Variants in FNDC1 observed in about 807,000 individuals in gnomAD.
The protein encoded by FNDC1 is fibronectin type III domain containing 1.
In FNDC1, 96 loss-of-function variants were observed where a neutral mutation model predicts 168.0. The observed-to-expected ratio is 0.57, with a 90% confidence interval of 0.48 to 0.68. The LOEUF (loss-of-function observed/expected upper bound fraction) is 0.68. FNDC1 is among the 30% of genes least tolerant of loss of function. The pLI is 0.00. For synonymous variants in FNDC1, 1,099 were observed against 1,025.9 expected (o/e 1.07, Z -1.36); for missense variants, 2,587 against 2,482.1 (o/e 1.04, Z -0.90).
chr6:159,212,627 C>T (rs571205427), intron 4 of FNDC1, among the ~76,000 whole-genome samples: 11 of 152,076 alleles, frequency 7.2e-5, no homozygotes, highest in African/African-American at 1.4e-4. Context: ...TGGTTATTAC[C>T]GAGACAGCGA....
chr6:159,213,045 C>T (rs1156388575), intron 4 of FNDC1, among the ~76,000 whole-genome samples: 2 of 152,170 alleles, frequency 1.3e-5, no homozygotes, highest in Non-Finnish European at 2.9e-5. Flanking sequence ...CTAAGGACAG[C>T]TAGATGAACT....
At chr6:159,200,610 A>G in intron 4 of FNDC1, 29 bp downstream of exon 4, 1 of 1,532,144 alleles carries the variant, frequency 6.5e-7, no homozygotes, top group Non-Finnish European at 8.9e-7. Context: ...TGTCAGATTC[A>G]TGTTTTCACT....
intron 1 of FNDC1, among the ~76,000 whole-genome samples, chr6:159,173,300 T>C (rs1306717435): frequency 6.6e-6 from 1 of 152,138 alleles, no homozygotes; most frequent in Non-Finnish European, 1.5e-5. Flanking sequence ...AATAGGTCAA[T>C]TGAAGGAGGC....
intron 4 of FNDC1, among the ~76,000 whole-genome samples, chr6:159,203,014 T>G (rs1782410442): frequency 6.6e-6 from 1 of 152,242 alleles, no homozygotes; most frequent in African/African-American, 2.4e-5. Flanking sequence ...GGCTTGTAGA[T>G]GGTCACCTTT....
At chr6:159,193,641 C>T (rs1417663112) in intron 1 of FNDC1, among the ~76,000 whole-genome samples, 1 of 152,156 alleles carries the variant, frequency 6.6e-6, no homozygotes, top group African/African-American at 2.4e-5. Flanking sequence ...CGGGGAATCT[C>T]TGGAGGCCTG....
At chr6:159,173,503 C>A (rs1459185776) in intron 1 of FNDC1, among the ~76,000 whole-genome samples, 2 of 152,184 alleles carry the variant, frequency 1.3e-5, no homozygotes, top group Admixed American at 6.5e-5. Flanking sequence ...AAATTTATTC[C>A]TGTGGAATCA....
chr6:159,237,653 T>C (rs1247094396), intron 12 of FNDC1, among the ~76,000 whole-genome samples: 3 of 152,224 alleles, frequency 2.0e-5, no homozygotes, highest in African/African-American at 4.8e-5. Flanking sequence ...GCAATTCACA[T>C]TCATTGCAAG....
chr6:159,189,074 C>G (rs1782073168), intron 1 of FNDC1, among the ~76,000 whole-genome samples: 1 of 152,162 alleles, frequency 6.6e-6, no homozygotes, highest in South Asian at 2.1e-4. Flanking sequence ...CATAGAAGAT[C>G]TTGATTAATA....
intron 1 of FNDC1, among the ~76,000 whole-genome samples, chr6:159,182,687 A>G (rs1471268066): frequency 6.6e-6 from 1 of 152,224 alleles, no homozygotes; most frequent in Non-Finnish European, 1.5e-5. Context: ...TTGTATTCCC[A>G]GGGGAGTGGC....
chr6:159,197,381 T>C lies in FNDC1; in HGVS notation c.110-50T>C, dbSNP rs145916457. ...TATCAAAGACGATTAAAAAAATTCG[T>C]TTTCCCAATCTGTTATTGCCATGAG... On this transcript the variant is annotated intron_variant, in intron 1 of 22. Transcript: ENST00000297267. 636 of 1,523,310 alleles carry C rather than the reference T, an allele frequency of 4.2e-4. 2 individuals carry two copies. In the African/African-American group the frequency reaches 8.1e-3, roughly 19 times the overall value. The allele number at this position is 1,523,310 out of a possible 1,614,324, so 94.4% of individuals were successfully genotyped here. A position where few individuals can be genotyped will look rare whatever the true frequency, so the allele number is the denominator to read the frequency against.
intron 17 of FNDC1, among the ~76,000 whole-genome samples, chr6:159,253,227 C>T (rs934145954): frequency 6.6e-6 from 1 of 152,006 alleles, no homozygotes; most frequent in Non-Finnish European, 1.5e-5. Context: ...CGTGCCAACT[C>T]CTGTCAAGCT....
chr6:159,234,158 G>A lies in FNDC1; in HGVS notation c.3646G>A (p.Asp1216Asn), dbSNP rs192765104. ...CACTCCCAGGGGCGGCAAAGACGCC[G>A]ATGGGAGCCTCGCCAAGGAAGAGAG... ...SSTPRGGKDA[D>N]GSLAKEEREP... The change falls in exon 11 of 23, where the codon GAT (aspartate) becomes AAT (asparagine). Residue 1216 changes from aspartate (D) to asparagine (N), a missense_variant. Transcript: ENST00000297267. 0.013 allele frequency: 20,213 copies of A among 1,598,644 alleles called. 152 individuals carry two copies. The highest frequency in any genetic ancestry group is 0.025 in the Middle Eastern group (152 of 6,006).
rs752683758 is a variant in FNDC1, at chr6:159,233,589, G to C, written c.3077G>C (p.Arg1026Pro). ...HPGPQSRDAGRSPSQPRLSLT... is the reference protein window; with the variant it reads ...HPGPQSRDAGPSPSQPRLSLT... ...GGACCCCAGAGCAGAGACGCGGGTC[G>C]GTCACCTTCCCAGCCCAGGCTCTCA... Residue 1026 changes from arginine (R) to proline (P), a missense_variant, in exon 11 of 23, where the codon CGG (arginine) becomes CCG (proline). Coordinates refer to ENST00000297267, the MANE Select transcript of FNDC1 (RefSeq NM_032532.3). The surrounding 1 kb of genome is among the most constrained non-coding windows in gnomAD (Gnocchi z 4.6). The C allele has an allele frequency of 1.3e-6, 2 of 1,582,156 alleles. No homozygotes were observed. The highest frequency in any genetic ancestry group is 1.7e-6 in the Non-Finnish European group (2 of 1,167,622).
Position 159,269,495 on chromosome 6 carries a change from T to TATCCATCCATCCATGCATCC in FNDC1, c.5569+1572_5569+1573insCATCCATCCATGCATCCATC, listed in dbSNP as rs1562316076. Among the ~76,000 whole-genome samples the TATCCATCCATCCATGCATCC allele has an allele frequency of 8.2e-3, 483 of 59,212 alleles. 9 individuals carry two copies. The highest frequency in any genetic ancestry group is 0.015 in the African/African-American group (261 of 17,536). The allele number at this position is 59,212 out of a possible 152,430, so 38.8% of individuals were successfully genotyped here. ...CTATCTATCTATCTATCTATCTATC[T>TATCCATCCATCCATGCATCC]ATCTATCCATCCATCCATGCATCCA... On this transcript the variant is annotated intron_variant, in intron 22 of 22. Transcript: ENST00000297267.
intron 19 of FNDC1, among the ~76,000 whole-genome samples, chr6:159,263,570 GGC>G (rs1242769134): frequency 6.6e-6 from 1 of 152,042 alleles, no homozygotes; most frequent in Non-Finnish European, 1.5e-5. Flanking sequence ...AGACCATCCT[GGC>G]TAACACAGTG....
Position 159,205,951 on chromosome 6 carries a change from TC to T in FNDC1, c.460+5374del, listed in dbSNP as rs140405861. On this transcript the variant is annotated intron_variant, in intron 4 of 22. Transcript: ENST00000297267. ...CAAAGGTACACAGAAGAAAGACTCA[TC>T]CCCAGTGATAATGCTGGAAAGCACC... Among the ~76,000 whole-genome samples, 1,426 of 152,362 alleles carry T rather than the reference TC, an allele frequency of 9.4e-3. 25 individuals are homozygous for T. Among genetic ancestry groups the T allele is most frequent in the African/African-American group, 0.032 (1,336 of 41,598 alleles).
chr6:159,258,290 G>T (rs1293757505), intron 18 of FNDC1, among the ~76,000 whole-genome samples: 1 of 152,140 alleles, frequency 6.6e-6, no homozygotes, highest in South Asian at 2.1e-4. Context: ...AGAAGAGGCA[G>T]ATTTTTTAAA....
intron 14 of FNDC1, among the ~76,000 whole-genome samples, chr6:159,242,925 G>T (rs916191697): frequency 5.9e-5 from 9 of 152,068 alleles, no homozygotes; most frequent in African/African-American, 2.2e-4. Context: ...CCATTCATCA[G>T]TCAGTGGTCA....
In FNDC1 at chr6:159,234,085, G is replaced by A; in HGVS notation, c.3573G>A (p.Gly1191=). 6.2e-7 allele frequency: 1 copy of A among 1,611,890 alleles called. No homozygotes were observed. Among genetic ancestry groups the A allele is most frequent in the Non-Finnish European group, 8.5e-7 (1 of 1,179,146 alleles). Residue 1191 remains glycine (G), a synonymous_variant, in exon 11 of 23, where the codon GGG becomes GGA. Coordinates refer to ENST00000297267, the MANE Select transcript of FNDC1 (RefSeq NM_032532.3). ...EEEDAGFFKG[G]KEDLLSSSVP... ...AGGACGCGGGATTTTTTAAAGGCGG[G>A]AAAGAAGACCTTCTGTCTTCCTCTG...
Sources: gnomAD v4.1 joint callset for allele counts (sites outside exome capture counted in the v4.1 genomes callset) on GRCh38, gnomAD v4.1.1 for gene constraint, Gnocchi (gnomAD v3.1) non-coding constraint, MANE v1.5 for transcripts, NCBI Gene and HGNC (gene_info 2026-07-23, HGNC 2026-07-21) for gene names.